The following PLXNA4 variants were observed in gnomAD, a reference collection of about 807,000 sequenced individuals.
PLXNA4 encodes the protein plexin A4.
A neutral mutation model predicts 191.8 loss-of-function variants in PLXNA4; 44 were observed. That is an observed-to-expected ratio of 0.23 (90% CI 0.18 to 0.29). PLXNA4 has a LOEUF of 0.29. PLXNA4 is among the 10% of genes least tolerant of loss of function. PLXNA4 has a pLI of 1.00. For missense variants in PLXNA4, 1,800 were observed against 2,488.8 expected, an observed-to-expected ratio of 0.72 and a Z score of 5.89; for synonymous variants, 1,082 against 1,009.5, an observed-to-expected ratio of 1.07 and a Z score of -1.36.
At chr7:132,603,359 C>G (rs1802857366) in intron 2 of PLXNA4, among the ~76,000 whole-genome samples, 1 of 152,146 alleles carries the variant, frequency 6.6e-6, no homozygotes, top group Non-Finnish European at 1.5e-5. Flanking sequence ...ACCAGAATCC[C>G]TTGTCAGGAA....
At chr7:132,174,161 T>C (rs1490286144) in intron 21 of PLXNA4, among the ~76,000 whole-genome samples, 1 of 152,226 alleles carries the variant, frequency 6.6e-6, no homozygotes, top group African/African-American at 2.4e-5. Context: ...TTTTCTCTGG[T>C]ATTTATCTCT....
intron 3 of PLXNA4, among the ~76,000 whole-genome samples, chr7:132,443,070 AT>A (rs896603860): frequency 1.3e-5 from 2 of 152,334 alleles, no homozygotes; most frequent in Admixed American, 1.3e-4. Flanking sequence ...GCCTGAGATC[AT>A]GGTACAGCCA....
At chr7:132,177,042 AGTGT>A (rs764732323) in intron 20 of PLXNA4, among the ~76,000 whole-genome samples, 10 of 150,080 alleles carry the variant, frequency 6.7e-5, no homozygotes, top group African/African-American at 1.2e-4. Context: ...AGTATATGTC[AGTGT>A]GTGTGTACGA....
In PLXNA4 at chr7:132,145,099, C is replaced by T; in HGVS notation, c.5225+20G>A. ...TGGGCTCAGGGCTCCCGATGTGCCC[C>T]CTGCCCTCCCTTCACTCACCAATTG... On this transcript the variant is annotated intron_variant, in intron 29 of 31. Transcript: ENST00000321063. 1.2e-6 allele frequency: 2 copies of T among 1,613,822 alleles called. No individual in the cohort carries two copies. Among genetic ancestry groups the T allele is most frequent in the Non-Finnish European group, 1.7e-6 (2 of 1,179,946 alleles).
intron 25 of PLXNA4, among the ~76,000 whole-genome samples, chr7:132,151,191 G>A (rs1303478151): frequency 6.6e-6 from 1 of 151,336 alleles, no homozygotes; most frequent in Non-Finnish European, 1.5e-5. Context: ...AAGAAGAAAG[G>A]AGAAAGAAGA....
chr7:132,430,063 G>A (rs946783095), intron 3 of PLXNA4, among the ~76,000 whole-genome samples: 1 of 152,120 alleles, frequency 6.6e-6, no homozygotes, highest in African/African-American at 2.4e-5. Flanking sequence ...TGGCATATGA[G>A]GTAATAAGAG....
intron 1 of PLXNA4, among the ~76,000 whole-genome samples, chr7:132,565,943 C>A (rs957040888): frequency 6.6e-6 from 1 of 152,162 alleles, no homozygotes; most frequent in African/African-American, 2.4e-5. Context: ...TTCATCATAG[C>A]AAGATATTTT....
At chr7:132,403,913 A>T (rs1256333663) in intron 3 of PLXNA4, among the ~76,000 whole-genome samples, 8 of 152,080 alleles carry the variant, frequency 5.3e-5, no homozygotes, top group Non-Finnish European at 1.0e-4. Flanking sequence ...CAGCCAGGAG[A>T]GTCTGCAACA....
intron 3 of PLXNA4, among the ~76,000 whole-genome samples, chr7:132,485,555 A>T (rs577384769): frequency 1.3e-5 from 2 of 152,188 alleles, no homozygotes; most frequent in Non-Finnish European, 2.9e-5. Flanking sequence ...TTCTGAGACA[A>T]CACTGAGCTG....
At chr7:132,382,140 G>C (rs1804922774) in intron 3 of PLXNA4, among the ~76,000 whole-genome samples, 1 of 152,178 alleles carries the variant, frequency 6.6e-6, no homozygotes, top group Non-Finnish European at 1.5e-5. Flanking sequence ...CTTTCTAATA[G>C]GTCACCTGCA....
chr7:132,332,465 G>A (rs73157300), intron 3 of PLXNA4, among the ~76,000 whole-genome samples: 6,630 of 152,148 alleles, frequency 0.044, 203 homozygotes, highest in Non-Finnish European at 0.061. Context: ...GAAGCCAGTG[G>A]GAAGGGCGGG....
chr7:132,382,651 C>T (rs1463725022), intron 3 of PLXNA4, among the ~76,000 whole-genome samples: 50 of 152,182 alleles, frequency 3.3e-4, no homozygotes, highest in Non-Finnish European at 2.9e-5. Context: ...CTGGCACTGG[C>T]ATGGTCTGCA....
At chr7:132,395,669 G>A (rs775502520) in intron 3 of PLXNA4, among the ~76,000 whole-genome samples, 7 of 152,222 alleles carry the variant, frequency 4.6e-5, no homozygotes, top group Non-Finnish European at 8.8e-5. Flanking sequence ...CCTGGAAGCT[G>A]GGAGCCTCAA....
chr7:132,318,275 C>T (rs1245740551), intron 3 of PLXNA4, among the ~76,000 whole-genome samples: 2 of 152,242 alleles, frequency 1.3e-5, no homozygotes, highest in African/African-American at 4.8e-5. Context: ...AGAGATCACA[C>T]CAGGGTCTGA....
chr7:132,426,853 A>C (rs1795064888), intron 3 of PLXNA4, among the ~76,000 whole-genome samples: 1 of 152,204 alleles, frequency 6.6e-6, no homozygotes, highest in Non-Finnish European at 1.5e-5. Context: ...AAGAGAATTT[A>C]AATTAAATTT....
At chr7:132,164,798 G>T (rs573217353) in intron 23 of PLXNA4, among the ~76,000 whole-genome samples, 5 of 152,352 alleles carry the variant, frequency 3.3e-5, no homozygotes, top group African/African-American at 1.2e-4. Flanking sequence ...GTCTGGGGCT[G>T]GGAGAGGGAA....
At chr7:132,601,193 A>G (rs540694425) in intron 2 of PLXNA4, among the ~76,000 whole-genome samples, 1 of 152,244 alleles carries the variant, frequency 6.6e-6, no homozygotes, top group African/African-American at 2.4e-5. Context: ...TATTGAGGGA[A>G]TTTTTCCTGA....
chr7:132,458,366 A>G (rs749778160), intron 3 of PLXNA4, among the ~76,000 whole-genome samples: 1 of 151,990 alleles, frequency 6.6e-6, no homozygotes, highest in Non-Finnish European at 1.5e-5. Context: ...GCATGAGAGT[A>G]TCAAGGGCAG....
intron 3 of PLXNA4, chr7:132,484,991 C>T (rs1247202822): frequency 1.9e-6 from 3 of 1,614,008 alleles, no homozygotes; most frequent in African/African-American, 1.3e-5. Flanking sequence ...GGTGATTCCC[C>T]CTTGTGGACC....
Sources: gnomAD v4.1 joint callset for allele counts (sites outside exome capture counted in the v4.1 genomes callset) on GRCh38, gnomAD v4.1.1 for gene constraint, MANE v1.5 for transcripts, NCBI Gene and HGNC (gene_info 2026-07-23, HGNC 2026-07-21) for gene names.